The following METTL8 variants were observed in gnomAD, a reference collection of about 807,000 sequenced individuals.
METTL8 encodes methyltransferase 8, tRNA N3-cytidine, also known as tRNA N(3)-cytidine methyltransferase METTL8, mitochondrial.
Under a neutral mutation model 48.7 loss-of-function variants are expected in METTL8, and 32 were observed. That is an observed-to-expected ratio of 0.66 (90% CI 0.50 to 0.88). METTL8 has a LOEUF of 0.88. Among genes scored for constraint, METTL8 ranks in the 40% least tolerant of loss-of-function variants. METTL8 has a pLI of 0.00. For synonymous variants in METTL8, 136 were observed against 157.1 expected, an observed-to-expected ratio of 0.87 and a Z score of 1.01; for missense variants, 464 against 474.4, an observed-to-expected ratio of 0.98 and a Z score of 0.20.
chr2:171,383,076 A>G (rs943825532), intron 2 of METTL8, among the ~76,000 whole-genome samples: 5 of 152,214 alleles, frequency 3.3e-5, no homozygotes, highest in African/African-American at 1.2e-4. Flanking sequence ...TCTGTGTGAA[A>G]AAAACAAACA....
intron 1 of METTL8, 32 bp from the exon 2 acceptor site, chr2:171,392,229 ATAGAT>A (rs1688645098): frequency 2.0e-6 from 3 of 1,529,866 alleles, no homozygotes; most frequent in Admixed American, 2.0e-5. Flanking sequence ...ATTAGTCAAC[ATAGAT>A]TAAACAGTGT....
rs542063095 is a variant in METTL8, at chr2:171,346,896, T to A, written c.236-7342A>T. On this transcript the variant is annotated intron_variant, in intron 3 of 9. Transcript: ENST00000375258. Reference sequence around the variant, plus strand: ...GGCACGTCTGTGATCCCTACAGAAATTGCGCTGGATGGCTCTCACTGTAAC... The same window carrying A: ...GGCACGTCTGTGATCCCTACAGAAAATGCGCTGGATGGCTCTCACTGTAAC... Among the ~76,000 whole-genome samples, 4 of 152,286 alleles carry A rather than the reference T, an allele frequency of 2.6e-5. No homozygotes were observed. In the East Asian group the frequency reaches 7.7e-4, roughly 29 times the overall value.
rs1684379405 is a variant in METTL8, at chr2:171,318,689, T to C, written c.*5483A>G. 6.6e-6 allele frequency: 1 copy of C among 152,126 alleles called. No homozygotes were observed. The highest frequency in any genetic ancestry group is 1.5e-5 in the Non-Finnish European group (1 of 68,034). 9.4% of individuals were successfully genotyped at this position (152,126 alleles called of 1,614,324 possible). A position where few individuals can be genotyped will look rare whatever the true frequency, so the allele number is the denominator to read the frequency against. On this transcript the variant is annotated 3_prime_UTR_variant, in exon 10 of 10. Coordinates refer to ENST00000375258, the MANE Select transcript of METTL8 (RefSeq NM_001321154.2). Reference sequence around the variant, plus strand: ...TTGTGGACAAGTGTAACCTACTTATTTGCTAGAATGATTGGATCTAGAATG... The same window carrying C: ...TTGTGGACAAGTGTAACCTACTTATCTGCTAGAATGATTGGATCTAGAATG...
rs1686098173 is a variant in METTL8, at chr2:171,336,349, C to A, written c.656+1104G>T. 2.0e-5 allele frequency among the ~76,000 whole-genome samples: 3 copies of A among 149,082 alleles called. No homozygotes were observed. The South Asian group carries it at 6.3e-4, about 31-fold the overall frequency. On this transcript the variant is annotated intron_variant, in intron 5 of 9. Transcript: ENST00000375258. ...TGATCTCGTGATTTGCCCGCCTTGGCCTCCCAAAGTGCTGGGATTACAGGC... is the reference window on the plus strand; with the variant it reads ...TGATCTCGTGATTTGCCCGCCTTGGACTCCCAAAGTGCTGGGATTACAGGC...
At chr2:171,350,662 G>C (rs891754962) in intron 3 of METTL8, among the ~76,000 whole-genome samples, 1 of 152,136 alleles carries the variant, frequency 6.6e-6, no homozygotes, top group Non-Finnish European at 1.5e-5. Flanking sequence ...ATTCTAACTG[G>C]TGTGAGATGG....
In METTL8 at chr2:171,326,113, A is replaced by G. The variant is rs1443642335; in HGVS notation, c.896T>C (p.Leu299Pro). The G allele has an allele frequency of 1.3e-6, 2 of 1,549,574 alleles. No individual in the cohort carries two copies. Among genetic ancestry groups the G allele is most frequent in the Non-Finnish European group, 8.7e-7 (1 of 1,145,242 alleles). ...AAATAACAGCATTCCCCCAGGTTTCAGTAACTTGGACAGTCGGTTTACAAC... is the reference window on the plus strand; with the variant it reads ...AAATAACAGCATTCCCCCAGGTTTCGGTAACTTGGACAGTCGGTTTACAAC... The part of the protein sequence containing the change: ...QGVVNRLSKL[L>P]KPGGMLLFRD... Residue 299 changes from leucine to proline, a missense_variant, in exon 8 of 10, where the codon CTG (leucine) becomes CCG (proline). Coordinates refer to ENST00000375258, the MANE Select transcript of METTL8 (RefSeq NM_001321154.2).
intron 1 of METTL8, among the ~76,000 whole-genome samples, chr2:171,427,585 G>T (rs1692544408): frequency 6.6e-6 from 1 of 152,006 alleles, no homozygotes; most frequent in South Asian, 2.1e-4. Flanking sequence ...GCATCCCTTT[G>T]CCTGGACTAC....
At chr2:171,376,999 T>C (rs1687038463) in intron 2 of METTL8, among the ~76,000 whole-genome samples, 1 of 152,118 alleles carries the variant, frequency 6.6e-6, no homozygotes, top group Non-Finnish European at 1.5e-5. Flanking sequence ...AAAATAGGCA[T>C]ATAGACCAAT....
chr2:171,364,104 C>A (rs1020720704), intron 2 of METTL8, among the ~76,000 whole-genome samples: 4 of 151,870 alleles, frequency 2.6e-5, no homozygotes, highest in Admixed American at 2.6e-4. Flanking sequence ...CGAGCCACTG[C>A]GCGCCCGGCC....
chr2:171,339,173 G>T lies in METTL8; in HGVS notation c.606+11C>A. 2 of 1,451,112 alleles carry T rather than the reference G, an allele frequency of 1.4e-6. No individual in the cohort carries two copies. The highest frequency in any genetic ancestry group is 1.7e-5 in the South Asian group (1 of 58,660). The allele number at this position is 1,451,112 out of a possible 1,614,324, so 89.9% of individuals were successfully genotyped here. ...TTGTCACCTCCCATTTTTGTCCCTT[G>T]AGCACAATACCTCTAGTATCCTGAA... On this transcript the variant is annotated intron_variant, in intron 4 of 9. Transcript: ENST00000375258.
At chr2:171,357,834 A>G (rs1485297087) in intron 3 of METTL8, among the ~76,000 whole-genome samples, 1 of 152,104 alleles carries the variant, frequency 6.6e-6, no homozygotes, top group Non-Finnish European at 1.5e-5. Context: ...AGCTGGGACT[A>G]CAGGTGCATG....
chr2:171,330,506 A>G, intron 7 of METTL8, 53 bp downstream of exon 7: 2 of 1,548,222 alleles, frequency 1.3e-6, no homozygotes, highest in Non-Finnish European at 1.8e-6. Flanking sequence ...TCTGAAAACC[A>G]CTACTGATAA....
At chr2:171,410,516 T>C (rs955158126) in intron 1 of METTL8, among the ~76,000 whole-genome samples, 1 of 152,230 alleles carries the variant, frequency 6.6e-6, no homozygotes, top group Non-Finnish European at 1.5e-5. Flanking sequence ...AAGGTACTAA[T>C]GTTGTTTAGC....
At chr2:171,338,640 C>CAA (rs759525102) in intron 4 of METTL8, among the ~76,000 whole-genome samples, 7 of 65,438 alleles carry the variant, frequency 1.1e-4, no homozygotes, top group Admixed American at 3.3e-4. Context: ...AAGTCTGTCT[C>CAA]AAAAAAAAAA....
At chr2:171,374,034 G>C (rs1297671894) in intron 2 of METTL8, among the ~76,000 whole-genome samples, 1 of 152,200 alleles carries the variant, frequency 6.6e-6, no homozygotes, top group East Asian at 1.9e-4. Flanking sequence ...TTGGCAGCTT[G>C]ATGGGGATGG....
At chr2:171,371,804 A>T (rs894908419) in intron 2 of METTL8, among the ~76,000 whole-genome samples, 15 of 149,712 alleles carry the variant, frequency 1.0e-4, no homozygotes, top group Admixed American at 7.4e-4. Flanking sequence ...GCTAATTTTT[A>T]AAATTTTTAA....
intron 1 of METTL8, among the ~76,000 whole-genome samples, chr2:171,406,463 A>G (rs1028224738): frequency 2.6e-5 from 4 of 152,210 alleles, no homozygotes; most frequent in Admixed American, 2.0e-4. Flanking sequence ...GTCCCATATC[A>G]AAGTGCTGGC....
chr2:171,434,723 G>A (rs1459862172), upstream of METTL8: 1 of 1,426,024 alleles, frequency 7.0e-7, no homozygotes, highest in Non-Finnish European at 9.1e-7. Flanking sequence ...AGCCGGCCGG[G>A]GCGGGACGGA....
intron 1 of METTL8, among the ~76,000 whole-genome samples, chr2:171,410,784 A>G (rs1690670449): frequency 6.6e-6 from 1 of 152,222 alleles, no homozygotes; most frequent in Admixed American, 6.5e-5. Context: ...ACAGCTTGGA[A>G]GAATAATACT....
Sources: gnomAD v4.1 joint callset for allele counts (sites outside exome capture counted in the v4.1 genomes callset) on GRCh38, gnomAD v4.1.1 for gene constraint, MANE v1.5 for transcripts, NCBI Gene and HGNC (gene_info 2026-07-23, HGNC 2026-07-21) for gene names.